The following CPNE4 variants were observed in gnomAD, a reference collection of about 807,000 sequenced individuals.
CPNE4 encodes copine-4.
CPNE4 carries 25 observed loss-of-function variants against 67.9 expected under a neutral mutation model. The ratio of observed to expected loss-of-function variants is 0.37; its 90% confidence interval spans 0.27 to 0.51. The LOEUF is 0.51. Ranked by LOEUF, CPNE4 falls within the 20% of genes least tolerant of loss-of-function variation. The probability of loss-of-function intolerance (pLI) is 0.93; values close to 1 mark genes in which losing one functional copy is unlikely to be tolerated. For synonymous variants in CPNE4, 242 were observed against 244.9 expected (o/e 0.99, Z 0.11); for missense variants, 464 against 690.8 (o/e 0.67, Z 3.68).
chr3:131,683,397 A>G (rs1235754755), intron 6 of CPNE4, among the ~76,000 whole-genome samples: 1 of 152,166 alleles, frequency 6.6e-6, no homozygotes, highest in Non-Finnish European at 1.5e-5. Flanking sequence ...CTTTTGGCCC[A>G]GGGTTTGTCT....
chr3:131,700,812 C>T (rs1365708224), intron 3 of CPNE4, among the ~76,000 whole-genome samples: 1 of 151,956 alleles, frequency 6.6e-6, no homozygotes, highest in African/African-American at 2.4e-5. Flanking sequence ...TATTGTGGCA[C>T]TATTCACAAT....
intron 10 of CPNE4, among the ~76,000 whole-genome samples, chr3:131,569,446 G>GCAA (rs1937218649): frequency 6.6e-6 from 1 of 151,750 alleles, no homozygotes; most frequent in Non-Finnish European, 1.5e-5. Flanking sequence ...ACCAGCTTGG[G>GCAA]CAACACAGCT....
intron 7 of CPNE4, among the ~76,000 whole-genome samples, chr3:131,664,122 G>A (rs955562022): frequency 1.3e-5 from 2 of 152,250 alleles, no homozygotes; most frequent in African/African-American, 4.8e-5. Context: ...ATAGAAAATG[G>A]CCCCATAATA....
intron 1 of CPNE4, among the ~76,000 whole-genome samples, chr3:132,011,960 C>G (rs1159851907): frequency 6.6e-6 from 1 of 152,070 alleles, no homozygotes; most frequent in Non-Finnish European, 1.5e-5. Flanking sequence ...CTTTCTGTTC[C>G]TTTATGGGAC....
At chr3:132,013,620 A>G (rs1307858051) in intron 1 of CPNE4, among the ~76,000 whole-genome samples, 1 of 152,234 alleles carries the variant, frequency 6.6e-6, no homozygotes, top group Non-Finnish European at 1.5e-5. Flanking sequence ...ACTTCTTCAT[A>G]TTATTACATC....
chr3:131,782,511 C>T (rs912176735), intron 2 of CPNE4, among the ~76,000 whole-genome samples: 6 of 151,936 alleles, frequency 3.9e-5, no homozygotes, highest in African/African-American at 1.2e-4. Context: ...CACACACATA[C>T]ACAGTAAAGT....
intron 1 of CPNE4, among the ~76,000 whole-genome samples, chr3:131,978,078 A>AATAT (rs1433102286): frequency 2.8e-5 from 1 of 35,526 alleles, no homozygotes; most frequent in African/African-American, 1.5e-4. Flanking sequence ...AATATATATA[A>AATAT]ATATATATAA....
Position 131,917,174 on chromosome 3 carries a change from T to A in CPNE4, c.-1-11730A>T, listed in dbSNP as rs554852432. Among the ~76,000 whole-genome samples the A allele has an allele frequency of 2.6e-5, 4 of 152,292 alleles. No individual in the cohort carries two copies. In the South Asian group the frequency reaches 8.3e-4, roughly 32 times the overall value. The stretch of plus-strand genomic sequence containing the variant: ...CTTGGGGACAATATTGGAGCAAAGC[T>A]CTCCTCAGAATTTCTTTCTAACGTG... On this transcript the variant is annotated intron_variant, in intron 1 of 15. Transcript: ENST00000429747.
chr3:131,838,699 A>T lies in CPNE4; in HGVS notation c.180+66565T>A, dbSNP rs529980126. 4.0e-5 allele frequency among the ~76,000 whole-genome samples: 6 copies of T among 151,896 alleles called. No individual in the cohort carries two copies. The South Asian group carries it at 1.2e-3, about 32-fold the overall frequency. On this transcript the variant is annotated intron_variant, in intron 2 of 15. Transcript: ENST00000429747. ...ATACAGAAGGTATTAAAGTACTTTT[A>T]TACTATAAAAGTACTTGTTTTTATT...
rs541321190 is a variant in CPNE4 at position 131,691,517 on chromosome 3, G to A, written c.507+5025C>T. On this transcript the variant is annotated intron_variant, in intron 5 of 15. Coordinates refer to ENST00000429747, the MANE Select transcript of CPNE4 (RefSeq NM_130808.3). ...TGGGTACACATGGACATAAAGATGGGAACAGTGGACGATGGTGACTACCAG... is the reference window on the plus strand; with the variant it reads ...TGGGTACACATGGACATAAAGATGGAAACAGTGGACGATGGTGACTACCAG... 2.0e-5 allele frequency among the ~76,000 whole-genome samples: 3 copies of A among 152,222 alleles called. No individual in the cohort carries two copies. In the East Asian group the frequency reaches 5.8e-4, roughly 29 times the overall value.
intron 1 of CPNE4, among the ~76,000 whole-genome samples, chr3:132,001,577 A>AAGAG (rs2107664010): frequency 6.7e-6 from 1 of 150,026 alleles, no homozygotes; most frequent in African/African-American, 2.5e-5. Flanking sequence ...GAAAGAAAGA[A>AAGAG]AGAAAGAAAG....
chr3:131,576,987 G>A (rs945283084), intron 9 of CPNE4, among the ~76,000 whole-genome samples: 1 of 151,958 alleles, frequency 6.6e-6, no homozygotes, highest in Admixed American at 6.6e-5. Flanking sequence ...AAGGCAGGTT[G>A]TTTGCTGTCT....
chr3:132,032,860 C>T (rs990652025), intron 1 of CPNE4, among the ~76,000 whole-genome samples: 9 of 152,316 alleles, frequency 5.9e-5, no homozygotes, highest in Non-Finnish European at 8.8e-5. Context: ...TGGGACCTTC[C>T]GAAACTTGAA....
intron 1 of CPNE4, among the ~76,000 whole-genome samples, chr3:132,024,033 A>G (rs1004955437): frequency 6.8e-6 from 1 of 146,122 alleles, no homozygotes; most frequent in Non-Finnish European, 1.5e-5. Flanking sequence ...TACAGTAAAT[A>G]TTGATAGATT....
At chr3:131,681,537 T>C (rs998282111) in intron 6 of CPNE4, among the ~76,000 whole-genome samples, 1 of 152,194 alleles carries the variant, frequency 6.6e-6, no homozygotes, top group African/African-American at 2.4e-5. Flanking sequence ...TTTTCTTTTC[T>C]CTTATTCCTT....
intron 12 of CPNE4, among the ~76,000 whole-genome samples, chr3:131,553,553 T>C (rs1411422031): frequency 1.3e-5 from 2 of 152,044 alleles, no homozygotes; most frequent in Non-Finnish European, 2.9e-5. Flanking sequence ...GTGTGCTGTA[T>C]ATTGTCTCCT....
chr3:131,795,394 T>C (rs2083892534), intron 2 of CPNE4, among the ~76,000 whole-genome samples: 1 of 152,116 alleles, frequency 6.6e-6, no homozygotes, highest in South Asian at 2.1e-4. Context: ...ATCTTGAAAA[T>C]TGAGTTCTCA....
At chr3:131,773,024 A>G (rs2083206253) in intron 2 of CPNE4, among the ~76,000 whole-genome samples, 1 of 152,170 alleles carries the variant, frequency 6.6e-6, no homozygotes, top group South Asian at 2.1e-4. Flanking sequence ...GGTAGATGAC[A>G]AAGGGATAGA....
Position 131,881,511 on chromosome 3 carries a change from T to A in CPNE4, c.180+23753A>T, listed in dbSNP as rs185780043. ...TAAACCCAACTTGTTCAATTATAGGTGTGTTCTTGGTGGTCTTTGGCTGGA... is the reference window on the plus strand; with the variant it reads ...TAAACCCAACTTGTTCAATTATAGGAGTGTTCTTGGTGGTCTTTGGCTGGA... On this transcript the variant is annotated intron_variant, in intron 2 of 15. Transcript: ENST00000429747. 2.4e-3 allele frequency among the ~76,000 whole-genome samples: 365 copies of A among 152,234 alleles called. 3 individuals are homozygous for A. The highest frequency in any genetic ancestry group is 3.6e-3 in the Non-Finnish European group (243 of 68,018).
Sources: gnomAD v4.1 joint callset for allele counts (sites outside exome capture counted in the v4.1 genomes callset) on GRCh38, gnomAD v4.1.1 for gene constraint, MANE v1.5 for transcripts, NCBI Gene and HGNC (gene_info 2026-07-23, HGNC 2026-07-21) for gene names.